The following NKAIN2 variants were observed in gnomAD, a reference collection of about 807,000 sequenced individuals.
NKAIN2 encodes the protein sodium/potassium-transporting ATPase subunit beta-1-interacting protein 2.
Under a neutral mutation model 32.6 loss-of-function variants are expected in NKAIN2, and 14 were observed. The observed-to-expected ratio is 0.43, with a 90% CI of 0.28 to 0.67. The LOEUF (loss-of-function observed/expected upper bound fraction) is 0.67. Among genes scored for constraint, NKAIN2 ranks in the 30% least tolerant of loss-of-function variants. NKAIN2 has a pLI of 0.17. For missense variants in NKAIN2, 198 were observed against 258.3 expected, an observed-to-expected ratio of 0.77 and a Z score of 1.60; for synonymous variants, 80 against 87.2, an observed-to-expected ratio of 0.92 and a Z score of 0.46.
In NKAIN2 at chr6:124,825,569, A is replaced by C. The variant is rs1052120255; in HGVS notation, c.*2340A>C. ...TTTTGCATTTGTTAATTCTGAATGTATTTTTAACAGAATGATTTTTTTGAC... is the reference window on the plus strand; with the variant it reads ...TTTTGCATTTGTTAATTCTGAATGTCTTTTTAACAGAATGATTTTTTTGAC... On this transcript the variant is annotated 3_prime_UTR_variant, in exon 7 of 7. Transcript: ENST00000368417. The C allele has an allele frequency of 6.6e-6, 1 of 152,502 alleles. No homozygotes were observed. The highest frequency in any genetic ancestry group is 1.5e-5 in the Non-Finnish European group (1 of 68,028). The allele number at this position is 152,502 out of a possible 1,614,324, so 9.4% of individuals were successfully genotyped here. A position where few individuals can be genotyped will look rare whatever the true frequency, so the allele number is the denominator to read the frequency against.
At chr6:124,487,621 A>C (rs1478050022) in intron 3 of NKAIN2, among the ~76,000 whole-genome samples, 2 of 152,142 alleles carry the variant, frequency 1.3e-5, no homozygotes, top group African/African-American at 4.8e-5. Context: ...TTTTATAAAA[A>C]AGTAATGTCC....
chr6:124,387,507 G>A (rs748799800), intron 3 of NKAIN2, among the ~76,000 whole-genome samples: 15 of 151,964 alleles, frequency 9.9e-5, no homozygotes, highest in Non-Finnish European at 1.8e-4. Flanking sequence ...ATCATTTTAT[G>A]TCCAGAAAAC....
At chr6:124,373,669 G>C (rs181146852) in intron 3 of NKAIN2, among the ~76,000 whole-genome samples, 1 of 152,236 alleles carries the variant, frequency 6.6e-6, no homozygotes, top group East Asian at 1.9e-4. Context: ...GACGTAGGAA[G>C]GAAGCCAGGG....
intron 2 of NKAIN2, among the ~76,000 whole-genome samples, chr6:124,317,857 C>T (rs1345218727): frequency 1.3e-5 from 2 of 152,008 alleles, no homozygotes; most frequent in African/African-American, 4.8e-5. Flanking sequence ...TTTATAATAA[C>T]TCCACCAAAT....
intron 1 of NKAIN2, among the ~76,000 whole-genome samples, chr6:124,274,499 G>C (rs193274296): frequency 1.2e-3 from 185 of 152,118 alleles, no homozygotes; most frequent in African/African-American, 4.2e-3. Context: ...ATACCATAAG[G>C]TTCCCCTGTG....
intron 3 of NKAIN2, among the ~76,000 whole-genome samples, chr6:124,478,516 G>GCA (rs141709646): frequency 1.3e-4 from 20 of 152,018 alleles, no homozygotes; most frequent in African/African-American, 4.8e-4. Context: ...ACGTGCATGT[G>GCA]CACACACACA....
intron 4 of NKAIN2, among the ~76,000 whole-genome samples, chr6:124,686,943 T>C (rs1040037678): frequency 1.3e-5 from 2 of 151,842 alleles, no homozygotes; most frequent in African/African-American, 4.8e-5. Flanking sequence ...CAGAAAAACA[T>C]GAAAAGGTGA....
intron 1 of NKAIN2, among the ~76,000 whole-genome samples, chr6:123,805,582 A>T (rs1194492121): frequency 6.6e-6 from 1 of 152,086 alleles, no homozygotes; most frequent in Non-Finnish European, 1.5e-5. Context: ...AGAATGTGGT[A>T]GTTTCTCAAT....
chr6:124,357,595 T>A (rs1443935306), intron 3 of NKAIN2, among the ~76,000 whole-genome samples: 1 of 152,126 alleles, frequency 6.6e-6, no homozygotes, highest in East Asian at 1.9e-4. Flanking sequence ...GAGGGAGAAA[T>A]TTGTGAAAAA....
chr6:124,066,833 A>G (rs551789086), intron 1 of NKAIN2, among the ~76,000 whole-genome samples: 1 of 150,856 alleles, frequency 6.6e-6, no homozygotes, highest in African/African-American at 2.4e-5. Flanking sequence ...CATTGATGCA[A>G]TTTGAAAGTA....
intron 2 of NKAIN2, among the ~76,000 whole-genome samples, chr6:124,301,760 T>C (rs1268489300): frequency 6.6e-6 from 1 of 152,194 alleles, no homozygotes; most frequent in Admixed American, 6.5e-5. Context: ...TTTTGGCCAA[T>C]TTCTTTCATT....
At chr6:124,114,887 G>A (rs1007996342) in intron 1 of NKAIN2, among the ~76,000 whole-genome samples, 2 of 152,074 alleles carry the variant, frequency 1.3e-5, no homozygotes, top group African/African-American at 4.8e-5. Flanking sequence ...TAATGTAAAG[G>A]TCTGGAGAAT....
chr6:124,243,026 T>C (rs1582911797), intron 1 of NKAIN2, among the ~76,000 whole-genome samples: 1 of 149,258 alleles, frequency 6.7e-6, no homozygotes, highest in Non-Finnish European at 1.5e-5. Flanking sequence ...ATCCCAGAAC[T>C]TAAAGTATAA....
chr6:124,571,826 C>T (rs1365741149), intron 3 of NKAIN2, among the ~76,000 whole-genome samples: 2 of 152,148 alleles, frequency 1.3e-5, no homozygotes, highest in East Asian at 3.9e-4. Flanking sequence ...TATAAACATT[C>T]AGGTGTATTT....
chr6:124,150,062 A>T (rs926459997), intron 1 of NKAIN2, among the ~76,000 whole-genome samples: 1 of 151,508 alleles, frequency 6.6e-6, no homozygotes. Context: ...CCTTGTACCT[A>T]TTCCTTGCGC....
Position 124,658,204 on chromosome 6 carries a change from A to G in NKAIN2, c.292A>G (p.Thr98Ala), listed in dbSNP as rs762120533. Residue 98 changes from threonine to alanine, a missense_variant, in exon 4 of 7, where the codon ACT becomes GCT. By Grantham distance (58) the Thr-to-Ala change is moderately conservative. Transcript: ENST00000368417. ...DLSKETDLIL[T>A]FNISMHRSWW... ...CTTGCAGGAAACAGACCTTATCCTG[A>G]CTTTTAATATATCAATGCACCGATC... 6.2e-7 allele frequency: 1 copy of G among 1,607,516 alleles called. No individual in the cohort carries two copies. Among genetic ancestry groups the G allele is most frequent in the Non-Finnish European group, 8.5e-7 (1 of 1,176,096 alleles).
intron 5 of NKAIN2, among the ~76,000 whole-genome samples, chr6:124,792,937 T>G (rs2114811197): frequency 6.6e-6 from 1 of 151,938 alleles, no homozygotes; most frequent in Middle Eastern, 3.4e-3. Context: ...AAAAAGAGAT[T>G]AACATAATCA....
chr6:124,606,450 G>C (rs1451780591), intron 3 of NKAIN2, among the ~76,000 whole-genome samples: 1 of 151,840 alleles, frequency 6.6e-6, no homozygotes, highest in Non-Finnish European at 1.5e-5. Context: ...GTCTTTAATA[G>C]TATATATATT....
chr6:124,051,380 C>A (rs570932865), intron 1 of NKAIN2, among the ~76,000 whole-genome samples: 1 of 151,956 alleles, frequency 6.6e-6, no homozygotes, highest in Non-Finnish European at 1.5e-5. Flanking sequence ...CTCATAAATG[C>A]CATTGAGATA....
Sources: allele counts gnomAD v4.1 joint callset (sites outside exome capture counted in the v4.1 genomes callset), GRCh38; gene constraint gnomAD v4.1.1; transcripts MANE v1.5; gene names NCBI Gene and HGNC (gene_info 2026-07-23, HGNC 2026-07-21).